UBE2W: variants seen among roughly 807,000 people sequenced by gnomAD.
UBE2W encodes ubiquitin-conjugating enzyme E2 W.
A neutral mutation model predicts 27.2 loss-of-function variants in UBE2W; 18 were observed. The observed-to-expected ratio is 0.66, with a 90% confidence interval of 0.46 to 0.98. The LOEUF (loss-of-function observed/expected upper bound fraction) is 0.98, where lower values mean the gene tolerates loss of function less well. Ranked by LOEUF, UBE2W falls within the 50% of genes least tolerant of loss-of-function variation. UBE2W has a pLI of 0.00. For synonymous variants in UBE2W, 53 were observed against 57.2 expected (o/e 0.93, Z 0.33); for missense variants, 90 against 180.2 (o/e 0.50, Z 2.87).
chr8:73,860,598 G>A (rs907549724), intron 1 of UBE2W, among the ~76,000 whole-genome samples: 4 of 152,138 alleles, frequency 2.6e-5, no homozygotes, highest in Non-Finnish European at 5.9e-5. Context: ...AGGCACACAA[G>A]GTACTAAAAA....
chr8:73,865,378 T>TGA (rs146482043), intron 1 of UBE2W, among the ~76,000 whole-genome samples: 8,787 of 152,124 alleles, frequency 0.058, 832 homozygotes, highest in African/African-American at 0.2. Context: ...TTTGGGAGGC[T>TGA]GAGGCAGGAG....
intron 1 of UBE2W, among the ~76,000 whole-genome samples, chr8:73,840,135 C>T (rs1048994502): frequency 6.6e-6 from 1 of 152,140 alleles, no homozygotes; most frequent in South Asian, 2.1e-4. Flanking sequence ...CGGCTCACTG[C>T]AAACTCTGCC....
intron 1 of UBE2W, among the ~76,000 whole-genome samples, chr8:73,844,488 G>A (rs538635935): frequency 9.6e-4 from 146 of 152,284 alleles, no homozygotes; most frequent in African/African-American, 3.3e-3. Flanking sequence ...GCATGATCTC[G>A]GCTCACTACA....
In UBE2W at chr8:73,787,897, A is replaced by C; in HGVS notation, c.*6205T>G. 1.0e-6 allele frequency: 1 copy of C among 985,428 alleles called. No individual in the cohort carries two copies. 61.0% of individuals were successfully genotyped at this position (985,428 alleles called of 1,614,324 possible). A position where few individuals can be genotyped will look rare whatever the true frequency, so the allele number is the denominator to read the frequency against. ...ACTCAGTCTTTAGTTGGGACTTATT[A>C]AAACACTAAAACTAGCTACATATTA... On this transcript the variant is annotated 3_prime_UTR_variant, in exon 6 of 6. Transcript: ENST00000602593.
chr8:73,826,451 G>C (rs936404559), intron 2 of UBE2W, among the ~76,000 whole-genome samples: 1 of 151,996 alleles, frequency 6.6e-6, no homozygotes, highest in Non-Finnish European at 1.5e-5. Context: ...TAAAATACAA[G>C]AAAACAAAAG....
intron 4 of UBE2W, 50 bp from the exon 5 acceptor site, chr8:73,805,776 G>T: frequency 9.3e-7 from 1 of 1,079,042 alleles, no homozygotes; most frequent in Non-Finnish European, 1.3e-6. Flanking sequence ...AAACTGAGAG[G>T]GTGACAGTTT....
chr8:73,785,609 T>C (rs1025915742), downstream of UBE2W, among the ~76,000 whole-genome samples: 5 of 152,038 alleles, frequency 3.3e-5, no homozygotes, highest in African/African-American at 1.2e-4. Context: ...CCACTCTCTT[T>C]TAGAGACGGA....
At chr8:73,831,710 G>A (rs2130910463) in intron 1 of UBE2W, 1 of 151,072 alleles carries the variant, frequency 6.6e-6, no homozygotes, top group South Asian at 2.1e-4. Flanking sequence ...CACCATGCTT[G>A]GCTAATTAAA....
In UBE2W at chr8:73,791,941, T is replaced by C. The variant is rs562710262; in HGVS notation, c.*2161A>G. The C allele has an allele frequency of 6.1e-6, 6 of 985,256 alleles. No individual in the cohort carries two copies. In the South Asian group the frequency reaches 1.4e-4, roughly 23 times the overall value. The allele number at this position is 985,256 out of a possible 1,614,324, so 61.0% of individuals were successfully genotyped here. On this transcript the variant is annotated 3_prime_UTR_variant, in exon 6 of 6. Transcript: ENST00000602593. The stretch of plus-strand genomic sequence containing the variant: ...ATATATGACCTATTACTCTATAGTA[T>C]AGCATTGTTAATCTTTGACTCAGTA...
chr8:73,798,477 G>A (rs1007318535), intron 5 of UBE2W, among the ~76,000 whole-genome samples: 4 of 152,092 alleles, frequency 2.6e-5, no homozygotes, highest in Non-Finnish European at 5.9e-5. Flanking sequence ...CAACCATTTC[G>A]AATAAGGGAT....
intron 1 of UBE2W, among the ~76,000 whole-genome samples, chr8:73,844,421 T>C (rs1398957672): frequency 1.3e-5 from 2 of 152,232 alleles, no homozygotes; most frequent in African/African-American, 4.8e-5. Context: ...GGTGCCGGGA[T>C]TGCAGACAGA....
rs1586423015 is a variant in UBE2W at position 73,781,023 on chromosome 8, C to A, written c.430-506G>T. Among the ~76,000 whole-genome samples, 2 of 151,220 alleles carry A rather than the reference C, an allele frequency of 1.3e-5. 1 individual carries two copies. Among genetic ancestry groups the A allele is most frequent in the Admixed American group, 1.3e-4 (2 of 15,180 alleles). ...GGTGGCTCACGCCTGTAATCCCAGC[C>A]CTTTGGGAGGCCGAGGCAGTTGGAT... On this transcript the variant is annotated intron_variant, in intron 4 of 4. Transcript: ENST00000523278.
At chr8:73,819,536 T>C (rs1809525680) in intron 3 of UBE2W, among the ~76,000 whole-genome samples, 1 of 152,228 alleles carries the variant, frequency 6.6e-6, no homozygotes, top group Non-Finnish European at 1.5e-5. Context: ...CCAATACATG[T>C]TGAATTAACC....
intron 3 of UBE2W, among the ~76,000 whole-genome samples, chr8:73,816,940 A>T (rs1350374122): frequency 6.6e-6 from 1 of 152,154 alleles, no homozygotes; most frequent in East Asian, 1.9e-4. Context: ...AGGCTGAGGC[A>T]GGAGAATCGT....
intron 1 of UBE2W, among the ~76,000 whole-genome samples, chr8:73,843,648 A>G (rs577887761): frequency 6.6e-6 from 1 of 152,220 alleles, no homozygotes; most frequent in East Asian, 1.9e-4. Context: ...AAAAGAAAAA[A>G]GAAAACCTCA....
intron 5 of UBE2W, among the ~76,000 whole-genome samples, chr8:73,798,895 T>C (rs1391076372): frequency 2.0e-5 from 3 of 151,926 alleles, no homozygotes; most frequent in South Asian, 2.1e-4. Flanking sequence ...CTGAGGTGAG[T>C]TGTCTATTTT....
At chr8:73,842,046 G>A (rs1056930976) in intron 1 of UBE2W, among the ~76,000 whole-genome samples, 1 of 152,188 alleles carries the variant, frequency 6.6e-6, no homozygotes, top group Non-Finnish European at 1.5e-5. Context: ...GCAACCAGCA[G>A]AAACGAACAC....
intron 1 of UBE2W, among the ~76,000 whole-genome samples, chr8:73,835,464 C>A (rs1020250428): frequency 6.6e-6 from 1 of 152,230 alleles, no homozygotes; most frequent in African/African-American, 2.4e-5. Context: ...TTTCTGTGGC[C>A]GGGTGCGATG....
downstream of UBE2W, among the ~76,000 whole-genome samples, chr8:73,784,042 CA>C (rs1807892640): frequency 6.6e-6 from 1 of 152,168 alleles, no homozygotes; most frequent in Non-Finnish European, 1.5e-5. Context: ...TGAGCCACCA[CA>C]CCTGGCCATA....
Sources: allele counts gnomAD v4.1 joint callset (sites outside exome capture counted in the v4.1 genomes callset), GRCh38; gene constraint gnomAD v4.1.1; transcripts MANE v1.5; gene names NCBI Gene and HGNC (gene_info 2026-07-23, HGNC 2026-07-21).